CEP15: variants seen among roughly 807,000 people sequenced by gnomAD.
CEP15 encodes centrosomal protein 15 kDa.
chr3:62,321,944 T>G, the CEP15 span: 1 of 1,599,458 alleles, frequency 6.3e-7, no homozygotes, highest in Non-Finnish European at 8.5e-7. This position sits in a 1 kb window ranked among gnomAD's most constrained non-coding sequence, Gnocchi z 4.1. Flanking sequence ...TCACAAAGAT[T>G]AATGTTACTT....
the CEP15 span, chr3:62,333,134 G>C: frequency 1.4e-6 from 1 of 727,118 alleles, no homozygotes. The surrounding 1 kb of genome is among the most constrained non-coding windows in gnomAD (Gnocchi z 4.0). Flanking sequence ...ACATATATGT[G>C]TGTGTGTGTG....
chr3:62,334,612 A>T, the CEP15 span: 1 of 152,206 alleles, frequency 6.6e-6, no homozygotes, highest in Non-Finnish European at 1.5e-5. The surrounding 1 kb of genome is among the most constrained non-coding windows in gnomAD (Gnocchi z 4.9). Context: ...TTTCATCTAT[A>T]GTGTCACAAT....
the CEP15 span, chr3:62,333,269 A>G: frequency 6.2e-7 from 1 of 1,609,326 alleles, no homozygotes; most frequent in Non-Finnish European, 8.5e-7. This position sits in a 1 kb window ranked among gnomAD's most constrained non-coding sequence, Gnocchi z 4.0. Context: ...GTTACTGGGC[A>G]TCAGTAGAAG....
the CEP15 span, chr3:62,335,589 A>G: frequency 6.6e-6 from 1 of 152,150 alleles, no homozygotes; most frequent in Non-Finnish European, 1.5e-5. Context: ...GGAATACCAT[A>G]TATAATGTAT....
the CEP15 span, chr3:62,331,214 A>G: frequency 8.5e-6 from 7 of 827,066 alleles, 1 homozygote; most frequent in Non-Finnish European, 1.4e-5. Flanking sequence ...CATTCAGATT[A>G]TATCCAGAGA....
the CEP15 span, among the ~76,000 whole-genome samples, chr3:62,321,573 A>G: frequency 1.3e-5 from 2 of 152,204 alleles, no homozygotes; most frequent in South Asian, 4.1e-4. This position sits in a 1 kb window ranked among gnomAD's most constrained non-coding sequence, Gnocchi z 4.1. Flanking sequence ...ATATATAACT[A>G]TGTGTACAAA....
the CEP15 span, among the ~76,000 whole-genome samples, chr3:62,323,465 A>G: frequency 6.6e-6 from 1 of 152,234 alleles, no homozygotes; most frequent in East Asian, 1.9e-4. Flanking sequence ...TAACTAGCTT[A>G]GAAATTCACA....
At chr3:62,327,726 A>T in the CEP15 span, among the ~76,000 whole-genome samples, 8 of 152,340 alleles carry the variant, frequency 5.3e-5, no homozygotes, top group Non-Finnish European at 1.2e-4. Context: ...ACTGAAGTAC[A>T]TACAGTTCAT....
At chr3:62,329,290 T>C in the CEP15 span, among the ~76,000 whole-genome samples, 4 of 152,190 alleles carry the variant, frequency 2.6e-5, no homozygotes, top group African/African-American at 9.6e-5. Context: ...GTTCATTCAT[T>C]ATATCCAGTA....
At chr3:62,334,926 T>A in the CEP15 span, 5 of 146,772 alleles carry the variant, frequency 3.4e-5, no homozygotes, top group Non-Finnish European at 1.5e-5. The surrounding 1 kb of genome is among the most constrained non-coding windows in gnomAD (Gnocchi z 4.9). Flanking sequence ...GAGGAAGTTG[T>A]TTTTTTTTTT....
At chr3:62,319,828 C>G in the CEP15 span, 1 of 152,418 alleles carries the variant, frequency 6.6e-6, no homozygotes, top group African/African-American at 2.4e-5. Context: ...GTGTCTTTAG[C>G]CAAGGTGAGC....
chr3:62,319,792 A>G, the CEP15 span: 1 of 152,248 alleles, frequency 6.6e-6, no homozygotes, highest in Admixed American at 6.5e-5. Context: ...AGAGCATTTC[A>G]CTAGACCTCT....
At chr3:62,319,485 G>T in the CEP15 span, 1 of 152,182 alleles carries the variant, frequency 6.6e-6, no homozygotes, top group African/African-American at 2.4e-5. Context: ...GGTGCTGAAG[G>T]AAAGGCAGCC....
chr3:62,331,158 A>G, the CEP15 span, among the ~76,000 whole-genome samples: 4 of 151,978 alleles, frequency 2.6e-5, no homozygotes, highest in Non-Finnish European at 5.9e-5. Flanking sequence ...TCTGAAATGG[A>G]TTAATTGAAC....
the CEP15 span, chr3:62,336,149 TA>T: frequency 2.6e-5 from 4 of 152,236 alleles, no homozygotes; most frequent in East Asian, 7.7e-4. The surrounding 1 kb of genome is among the most constrained non-coding windows in gnomAD (Gnocchi z 4.4). Context: ...CCTTTTTCCA[TA>T]AAAAATAAAG....
At chr3:62,332,279 G>A in the CEP15 span, among the ~76,000 whole-genome samples, 1 of 152,094 alleles carries the variant, frequency 6.6e-6, no homozygotes, top group Non-Finnish European at 1.5e-5. Context: ...TTTCACAGCA[G>A]GATGACCTTT....
At chr3:62,333,102 T>A in the CEP15 span, among the ~76,000 whole-genome samples, 1 of 152,100 alleles carries the variant, frequency 6.6e-6, no homozygotes, top group Non-Finnish European at 1.5e-5. This position sits in a 1 kb window ranked among gnomAD's most constrained non-coding sequence, Gnocchi z 4.0. Context: ...ACATAAAATA[T>A]TCTGTAGAGG....
the CEP15 span, chr3:62,331,321 A>G: frequency 1.9e-6 from 3 of 1,612,288 alleles, no homozygotes; most frequent in African/African-American, 4.0e-5. Flanking sequence ...GATATCTGTT[A>G]CAGGATATAG....
At chr3:62,330,424 G>T in the CEP15 span, among the ~76,000 whole-genome samples, 1 of 152,174 alleles carries the variant, frequency 6.6e-6, no homozygotes, top group Admixed American at 6.5e-5. Context: ...GTGGGAACAA[G>T]ACAACATGGG....
Sources: allele counts gnomAD v4.1 joint callset (sites outside exome capture counted in the v4.1 genomes callset), GRCh38; gene constraint gnomAD v4.1.1; non-coding constraint Gnocchi (gnomAD v3.1); transcripts MANE v1.5; gene names NCBI Gene and HGNC (gene_info 2026-07-23, HGNC 2026-07-21).